The following KIAA1549 variants were observed in gnomAD, a reference collection of about 807,000 sequenced individuals.
KIAA1549 encodes the protein KIAA1549, also known as UPF0606 protein KIAA1549.
In KIAA1549, 70 loss-of-function variants were observed where a neutral mutation model predicts 156.4. The ratio of observed to expected loss-of-function variants is 0.45; its 90% CI spans 0.37 to 0.55. The LOEUF (loss-of-function observed/expected upper bound fraction) is 0.55, where lower values mean the gene tolerates loss of function less well. KIAA1549 is among the 20% of genes least tolerant of loss of function. The pLI is 0.00. For synonymous variants in KIAA1549, 1,103 were observed against 1,066.4 expected (o/e 1.03, Z -0.67); for missense variants, 2,428 against 2,540.9 (o/e 0.96, Z 0.96).
At chr7:138,895,580 TAGAA>T (rs1340886505) in intron 9 of KIAA1549, among the ~76,000 whole-genome samples, 1 of 151,924 alleles carries the variant, frequency 6.6e-6, no homozygotes, top group Non-Finnish European at 1.5e-5. Flanking sequence ...AAAAAACTCA[TAGAA>T]AGCTTCTGCT....
Position 138,919,451 on chromosome 7 carries a change from T to A in KIAA1549, c.188-13A>T. 6.2e-7 allele frequency: 1 copy of A among 1,609,578 alleles called. No homozygotes were observed. The highest frequency in any genetic ancestry group is 8.5e-7 in the Non-Finnish European group (1 of 1,177,314). On this transcript the variant is annotated splice_polypyrimidine_tract_variant and intron_variant, in intron 1 of 19. Coordinates refer to ENST00000422774, the MANE Select transcript of KIAA1549 (RefSeq NM_001164665.2). Reference sequence around the variant, plus strand: ...GGAGAGAGCTCATCTATCAAGAAAATCAGAGCTGGGTTAGTGCAATGCATT... The same window carrying A: ...GGAGAGAGCTCATCTATCAAGAAAAACAGAGCTGGGTTAGTGCAATGCATT...
chr7:138,914,423 C>A (rs1390921283), intron 2 of KIAA1549, among the ~76,000 whole-genome samples: 1 of 152,196 alleles, frequency 6.6e-6, no homozygotes, highest in Non-Finnish European at 1.5e-5. Context: ...TGGGTGGAAG[C>A]GCGGCTCATG....
Position 138,867,982 on chromosome 7 carries a change from C to T in KIAA1549, c.4922G>A (p.Gly1641Glu). ...GGAGTCGGTGGCACGCACTGGGCAT[C>T]CGATGTAGGCTGAGTTGTGGACGCC... ...PPGVHNSAYIGCPSDPDLPAD... is the reference protein window; with the variant it reads ...PPGVHNSAYIECPSDPDLPAD... Residue 1641 changes from glycine (G) to glutamate (E), a missense_variant, in exon 15 of 20, where the codon GGA becomes GAA. Transcript: ENST00000422774. The T allele has an allele frequency of 1.2e-6, 2 of 1,613,584 alleles. No individual in the cohort carries two copies. The highest frequency in any genetic ancestry group is 2.7e-5 in the African/African-American group (2 of 75,026).
rs563378027 is a variant in KIAA1549, at chr7:138,833,271, T to C, written c.*4635A>G. On this transcript the variant is annotated 3_prime_UTR_variant, in exon 20 of 20. Coordinates refer to ENST00000422774, the MANE Select transcript of KIAA1549 (RefSeq NM_001164665.2). The stretch of plus-strand genomic sequence containing the variant: ...TCCAAACGACAAATTCATTCATGTC[T>C]GAGAATCTAGTGTGAAAGGGATGAG... 1.7e-5 allele frequency: 4 copies of C among 232,612 alleles called. No homozygotes were observed. In the East Asian group the frequency reaches 1.8e-4, roughly 11 times the overall value. 14.4% of individuals were successfully genotyped at this position (232,612 alleles called of 1,614,324 possible).
chr7:138,891,830 A>G (rs1437387848), intron 10 of KIAA1549, among the ~76,000 whole-genome samples: 1 of 152,206 alleles, frequency 6.6e-6, no homozygotes, highest in East Asian at 1.9e-4. Context: ...ATCTCTGCAC[A>G]TTACCCTGAG....
intron 10 of KIAA1549, among the ~76,000 whole-genome samples, chr7:138,884,798 A>C (rs1422524963): frequency 6.6e-6 from 1 of 152,174 alleles, no homozygotes; most frequent in Non-Finnish European, 1.5e-5. Context: ...CCTGAAACAC[A>C]CCTATGACTT....
chr7:138,974,672 C>T (rs538428787), intron 1 of KIAA1549, among the ~76,000 whole-genome samples: 1 of 151,962 alleles, frequency 6.6e-6, no homozygotes, highest in Non-Finnish European at 1.5e-5. Flanking sequence ...ACCCACCTGC[C>T]TCAGCCTCCC....
At chr7:138,924,870 T>G (rs767074973) in intron 1 of KIAA1549, among the ~76,000 whole-genome samples, 3 of 152,108 alleles carry the variant, frequency 2.0e-5, no homozygotes, top group Non-Finnish European at 4.4e-5. Flanking sequence ...AGAAAGGTTC[T>G]CTCTTGGATG....
At chr7:138,937,775 C>T (rs148984456) in intron 1 of KIAA1549, among the ~76,000 whole-genome samples, 69 of 152,112 alleles carry the variant, frequency 4.5e-4, no homozygotes, top group Middle Eastern at 3.4e-3. Context: ...GGAGCCAACT[C>T]GGGGTGGATG....
chr7:138,840,711 G>A (rs1433364594), intron 18 of KIAA1549, among the ~76,000 whole-genome samples: 2 of 151,954 alleles, frequency 1.3e-5, no homozygotes, highest in East Asian at 3.9e-4. Context: ...CACCCTATGC[G>A]CCACTCCTCT....
intron 1 of KIAA1549, among the ~76,000 whole-genome samples, chr7:138,948,035 T>C (rs1301480042): frequency 6.6e-6 from 1 of 152,050 alleles, no homozygotes. Flanking sequence ...AGTACTGGGA[T>C]TACAGGTGTG....
At chr7:138,844,561 GT>G (rs1443408515) in intron 17 of KIAA1549, 87 bp from the exon 18 acceptor site, 3 of 1,243,566 alleles carry the variant, frequency 2.4e-6, no homozygotes, top group Non-Finnish European at 3.2e-6. Context: ...CTTACAGAAG[GT>G]AACACTTATT....
At chr7:138,849,950 T>A (rs1346187018) in intron 17 of KIAA1549, among the ~76,000 whole-genome samples, 2 of 152,158 alleles carry the variant, frequency 1.3e-5, no homozygotes, top group Admixed American at 6.5e-5. Context: ...ACTTTTTTTT[T>A]ATCCGATTTG....
chr7:138,851,846 G>C (rs1810243106), intron 17 of KIAA1549, among the ~76,000 whole-genome samples: 1 of 152,180 alleles, frequency 6.6e-6, no homozygotes, highest in Non-Finnish European at 1.5e-5. Context: ...GGCTTCCTAG[G>C]TGCTTCTTCT....
chr7:138,841,347 C>A (rs1271159043), intron 18 of KIAA1549, among the ~76,000 whole-genome samples: 3 of 152,072 alleles, frequency 2.0e-5, no homozygotes, highest in African/African-American at 7.2e-5. Flanking sequence ...AGCCACAAGA[C>A]AATTAAAACC....
intron 9 of KIAA1549, 142 bp from the exon 10 acceptor site, chr7:138,894,668 G>A (rs1811635764): frequency 2.8e-6 from 2 of 722,656 alleles, no homozygotes; most frequent in Non-Finnish European, 4.6e-6. Flanking sequence ...CCTGATGACA[G>A]GAAATGTGAC....
chr7:138,861,273 C>A lies in KIAA1549; in HGVS notation c.5113G>T (p.Ala1705Ser). 1 of 1,608,488 alleles carries A rather than the reference C, an allele frequency of 6.2e-7. No individual in the cohort carries two copies. Among genetic ancestry groups the A allele is most frequent in the African/African-American group, 1.3e-5 (1 of 74,798 alleles). ...FALVAPSSQP[A>S]STAGVGPGVP... is the part of the protein sequence containing the mutation. Reference sequence around the variant, plus strand: ...CCGGGGCCTACACCTGCGGTGCTGGCAGGCTGGCTGCTGGGGGCCACGAGG... The same window carrying A: ...CCGGGGCCTACACCTGCGGTGCTGGAAGGCTGGCTGCTGGGGGCCACGAGG... Residue 1705 changes from alanine to serine, a missense_variant, in exon 16 of 20, where the codon GCC (alanine) becomes TCC (serine). By Grantham distance (99) the Ala-to-Ser change is moderately conservative. Coordinates refer to ENST00000422774, the MANE Select transcript of KIAA1549 (RefSeq NM_001164665.2).
chr7:138,858,336 T>A (rs1810454237), intron 16 of KIAA1549, among the ~76,000 whole-genome samples: 1 of 152,134 alleles, frequency 6.6e-6, no homozygotes, highest in African/African-American at 2.4e-5. Flanking sequence ...GCTCAATCAA[T>A]CCTCCTGCCT....
intron 1 of KIAA1549, among the ~76,000 whole-genome samples, chr7:138,947,807 G>A (rs955088330): frequency 6.6e-6 from 1 of 151,982 alleles, no homozygotes; most frequent in Non-Finnish European, 1.5e-5. Flanking sequence ...CTGTTGCCCA[G>A]GCTGCAGTAC....
Sources: allele counts gnomAD v4.1 joint callset (sites outside exome capture counted in the v4.1 genomes callset), GRCh38; gene constraint gnomAD v4.1.1; transcripts MANE v1.5; gene names NCBI Gene and HGNC (gene_info 2026-07-23, HGNC 2026-07-21).